Variants in FAM117B observed in about 807,000 individuals in gnomAD.
The protein encoded by FAM117B is protein FAM117B.
FAM117B carries 22 observed loss-of-function variants against 52.8 expected under a neutral mutation model. The observed-to-expected ratio is 0.42, with a 90% CI of 0.30 to 0.59. FAM117B has a LOEUF of 0.59. Among genes scored for constraint, FAM117B ranks in the 20% least tolerant of loss-of-function variants. The probability of loss-of-function intolerance (pLI) is 0.22; values close to 1 mark genes in which losing one functional copy is unlikely to be tolerated. For synonymous variants in FAM117B, 309 were observed against 324.1 expected (o/e 0.95, Z 0.50); for missense variants, 678 against 802.6 (o/e 0.84, Z 1.88).
chr2:202,683,926 G>A (rs939595954), intron 1 of FAM117B, among the ~76,000 whole-genome samples: 2 of 151,944 alleles, frequency 1.3e-5, no homozygotes, highest in African/African-American at 4.8e-5. Flanking sequence ...GAGTGCAGTG[G>A]CGCGATCATG....
chr2:202,751,415 C>T (rs1397792243), intron 4 of FAM117B, among the ~76,000 whole-genome samples: 1 of 152,202 alleles, frequency 6.6e-6, no homozygotes, highest in Non-Finnish European at 1.5e-5. Flanking sequence ...CAAGTGTTCA[C>T]ATCAAATGAA....
chr2:202,667,500 G>A (rs759062307), intron 1 of FAM117B, among the ~76,000 whole-genome samples: 9 of 152,070 alleles, frequency 5.9e-5, no homozygotes, highest in Non-Finnish European at 8.8e-5. Flanking sequence ...GCGTGCGCGC[G>A]CATGTGCTGT....
chr2:202,716,926 T>G (rs1378373312), intron 2 of FAM117B, among the ~76,000 whole-genome samples: 1 of 152,218 alleles, frequency 6.6e-6, no homozygotes, highest in Non-Finnish European at 1.5e-5. Context: ...CTTCTCTGTG[T>G]TATCTGGAAT....
intron 4 of FAM117B, among the ~76,000 whole-genome samples, chr2:202,751,527 G>C (rs1394736355): frequency 6.6e-6 from 1 of 152,168 alleles, no homozygotes; most frequent in Non-Finnish European, 1.5e-5. Flanking sequence ...CCAGCACTTT[G>C]GGAGGTCCAG....
chr2:202,673,101 C>G (rs1421032056), intron 1 of FAM117B, among the ~76,000 whole-genome samples: 1 of 152,178 alleles, frequency 6.6e-6, no homozygotes, highest in African/African-American at 2.4e-5. Context: ...GACTTTAGTT[C>G]TGTTCACTTT....
chr2:202,760,443 G>C (rs985127133), intron 7 of FAM117B, among the ~76,000 whole-genome samples: 2 of 152,132 alleles, frequency 1.3e-5, no homozygotes, highest in Non-Finnish European at 2.9e-5. Context: ...AGTTTCCAGG[G>C]CTGGGGATGG....
rs745325309 is a variant in FAM117B at position 202,759,350 on chromosome 2, G to T, written c.1448G>T (p.Cys483Phe). 28 of 1,611,388 alleles carry T rather than the reference G, an allele frequency of 1.7e-5. No homozygotes were observed. Among genetic ancestry groups the T allele is most frequent in the Non-Finnish European group, 2.4e-5 (28 of 1,179,200 alleles). Reference protein sequence around the residue: ...GCERVKVFEECSPKQLHEIPA... With the variant: ...GCERVKVFEEFSPKQLHEIPA... ...GAAAGGGTCAAAGTCTTTGAGGAATGCTCGTAAGTATCCCTTCCACCATCC... is the reference window on the plus strand; with the variant it reads ...GAAAGGGTCAAAGTCTTTGAGGAATTCTCGTAAGTATCCCTTCCACCATCC... The change falls in exon 7 of 8, where the codon TGC becomes TTC. Residue 483 changes from cysteine to phenylalanine, a missense_variant. Physicochemically the swap from Cys to Phe is radical, Grantham distance 205 (BLOSUM62 -2). Transcript: ENST00000392238.
In FAM117B at chr2:202,768,421, G is replaced by A. The variant is rs1043370925; in HGVS notation, c.*2657G>A. On this transcript the variant is annotated 3_prime_UTR_variant, in exon 8 of 8. Coordinates refer to ENST00000392238, the MANE Select transcript of FAM117B (RefSeq NM_173511.4). ...AATTTGCAGGTAAATGAATTGTATG[G>A]CAACCAGACAGATCCCTGGGGTTTG... 1 of 152,436 alleles carries A rather than the reference G, an allele frequency of 6.6e-6. No individual in the cohort carries two copies. The highest frequency in any genetic ancestry group is 1.5e-5 in the Non-Finnish European group (1 of 68,030). 9.4% of individuals were successfully genotyped at this position (152,436 alleles called of 1,614,324 possible).
At chr2:202,749,788 A>G (rs978200367) in intron 4 of FAM117B, among the ~76,000 whole-genome samples, 17 of 152,180 alleles carry the variant, frequency 1.1e-4, no homozygotes, top group African/African-American at 3.6e-4. Flanking sequence ...AATTATTTAA[A>G]TAAAAAAAGA....
At chr2:202,669,963 A>G (rs1454745095) in intron 1 of FAM117B, among the ~76,000 whole-genome samples, 2 of 152,220 alleles carry the variant, frequency 1.3e-5, no homozygotes, top group African/African-American at 4.8e-5. Flanking sequence ...CTTTCAGGAC[A>G]TTCTCTTAAT....
intron 1 of FAM117B, among the ~76,000 whole-genome samples, chr2:202,639,593 G>A (rs1689736123): frequency 6.6e-6 from 1 of 152,108 alleles, no homozygotes; most frequent in Non-Finnish European, 1.5e-5. Flanking sequence ...GTATAACATC[G>A]AGGTGAGGAG....
chr2:202,653,170 C>T (rs1015110050), intron 1 of FAM117B, among the ~76,000 whole-genome samples: 2 of 151,890 alleles, frequency 1.3e-5, no homozygotes, highest in African/African-American at 4.8e-5. Context: ...TAGGGGGCTG[C>T]GGTGGAAAGA....
At chr2:202,670,025 C>G (rs1012049308) in intron 1 of FAM117B, among the ~76,000 whole-genome samples, 2 of 152,120 alleles carry the variant, frequency 1.3e-5, no homozygotes, top group African/African-American at 2.4e-5. Context: ...CACATACTGT[C>G]TAAGTACTTT....
At chr2:202,674,109 CT>C (rs1690342184) in intron 1 of FAM117B, among the ~76,000 whole-genome samples, 1 of 152,134 alleles carries the variant, frequency 6.6e-6, no homozygotes, top group African/African-American at 2.4e-5. Flanking sequence ...CTATCCATGG[CT>C]TTAACCTGTC....
At chr2:202,693,834 T>C (rs1157043849) in intron 1 of FAM117B, among the ~76,000 whole-genome samples, 14 of 152,218 alleles carry the variant, frequency 9.2e-5, no homozygotes, top group Admixed American at 9.2e-4. Flanking sequence ...CATTTTGTTG[T>C]TTCTAGTTTT....
At position 202,659,604 on chromosome 2, in the gene FAM117B, C is replaced by CTTTT. The variant is rs71030981; in HGVS notation, c.601+23843_601+23846dup. On this transcript the variant is annotated intron_variant, in intron 1 of 7. Coordinates refer to ENST00000392238, the MANE Select transcript of FAM117B (RefSeq NM_173511.4). ...GAGATTACAGACGTGAGCCACCGTG[C>CTTTT]TTTTTTTTTTTTTTTTTTTTTTTTT... Among the ~76,000 whole-genome samples, 88 of 62,308 alleles carry CTTTT rather than the reference C, an allele frequency of 1.4e-3. 19 individuals are homozygous for CTTTT. The highest frequency in any genetic ancestry group is 4.4e-3 in the East Asian group (5 of 1,140). 40.9% of individuals were successfully genotyped at this position (62,308 alleles called of 152,430 possible).
At chr2:202,765,303 C>A (rs1389985507) in intron 7 of FAM117B, 143 bp from the exon 8 acceptor site, 2 of 774,960 alleles carry the variant, frequency 2.6e-6, no homozygotes, top group Non-Finnish European at 4.1e-6. Context: ...AGGTGGGGGA[C>A]AGAGCTTGAG....
Position 202,635,418 on chromosome 2 carries a change from A to AGGC in FAM117B, c.246_248dup (p.Gly84dup), listed in dbSNP as rs565502997. 0.017 allele frequency: 20,643 copies of AGGC among 1,241,280 alleles called. 2,499 individuals are homozygous for AGGC. The African/African-American group carries it at 0.28, about 17-fold the overall frequency. 76.9% of individuals were successfully genotyped at this position (1,241,280 alleles called of 1,614,324 possible). A position where few individuals can be genotyped will look rare whatever the true frequency, so the allele number is the denominator to read the frequency against. The stretch of plus-strand genomic sequence containing the variant: ...GCTGTGGTGGCGCCTCAGGCCCCGC[A>AGGC]GGCGGCGGCGGCGGCGGTGGCCCGC... On this transcript the variant is annotated inframe_insertion, in exon 1 of 8. Transcript: ENST00000392238.
chr2:202,657,081 TA>T (rs1690066122), intron 1 of FAM117B, among the ~76,000 whole-genome samples: 1 of 152,134 alleles, frequency 6.6e-6, no homozygotes, highest in Non-Finnish European at 1.5e-5. Flanking sequence ...TTTTTAATTT[TA>T]ATTTTATTTT....
Sources: allele counts gnomAD v4.1 joint callset (sites outside exome capture counted in the v4.1 genomes callset), GRCh38; gene constraint gnomAD v4.1.1; transcripts MANE v1.5; gene names NCBI Gene and HGNC (gene_info 2026-07-23, HGNC 2026-07-21).